The following DPP6 variants were observed in gnomAD, a reference collection of about 807,000 sequenced individuals.
DPP6 encodes A-type potassium channel modulatory protein DPP6.
Under a neutral mutation model 122.6 loss-of-function variants are expected in DPP6, and 69 were observed. The observed-to-expected ratio is 0.56, with a 90% CI of 0.46 to 0.69. DPP6 has a LOEUF of 0.69. DPP6 is among the 30% of genes least tolerant of loss of function. DPP6 has a pLI of 0.00. For missense variants in DPP6, 928 were observed against 1,116.9 expected, an observed-to-expected ratio of 0.83 and a Z score of 2.41; for synonymous variants, 418 against 433.1, an observed-to-expected ratio of 0.97 and a Z score of 0.43.
chr7:154,807,883 C>G (rs1416725919), intron 16 of DPP6, among the ~76,000 whole-genome samples: 1 of 152,158 alleles, frequency 6.6e-6, no homozygotes, highest in Non-Finnish European at 1.5e-5. Context: ...AAAAATATTT[C>G]CCTATGTCCC....
intron 1 of DPP6, among the ~76,000 whole-genome samples, chr7:154,142,484 G>A (rs1306254533): frequency 2.0e-5 from 3 of 152,188 alleles, no homozygotes; most frequent in African/African-American, 4.8e-5. Context: ...TTTTTGTTAG[G>A]TTGGGGGCAG....
At position 153,949,531 on chromosome 7, in the gene DPP6, G is replaced by A. The variant is rs1802109079; in HGVS notation, c.51+61797G>A. On this transcript the variant is annotated intron_variant, in intron 1 of 25. Transcript: ENST00000404039. ...CGTCTTAGGGAAGGTGTTTGCAGGT[G>A]AAGGAAAAGGTGGGTAGGGTAGACG... Among the ~76,000 whole-genome samples the A allele has an allele frequency of 2.6e-5, 4 of 152,204 alleles. No individual in the cohort carries two copies. The South Asian group carries it at 8.3e-4, about 32-fold the overall frequency.
the DPP6 span, among the ~76,000 whole-genome samples, chr7:153,850,221 T>C: frequency 6.6e-6 from 1 of 152,216 alleles, no homozygotes; most frequent in African/African-American, 2.4e-5. Flanking sequence ...CAGCCAGGAC[T>C]GTGGCCTTAT....
rs3734961 is a variant in DPP6, at chr7:154,893,852, T to C, written c.*1372T>C. On this transcript the variant is annotated 3_prime_UTR_variant, in exon 26 of 26. Transcript: ENST00000377770. ...TGCTAGTTTGAAATATATCCATTAC[T>C]GTCATTTCCTTTTGAGCTTGTGGAC... 0.3 allele frequency: 45,207 copies of C among 152,170 alleles called. 6,921 individuals are homozygous for C. Among genetic ancestry groups the C allele is most frequent in the Middle Eastern group, 0.46 (136 of 294 alleles). 9.4% of individuals were successfully genotyped at this position (152,170 alleles called of 1,614,324 possible).
intron 1 of DPP6, among the ~76,000 whole-genome samples, chr7:154,251,622 C>T (rs1396121703): frequency 3.9e-5 from 6 of 152,298 alleles, no homozygotes; most frequent in East Asian, 1.9e-4. Flanking sequence ...GTAGGGAAAC[C>T]GACAGTGCAG....
chr7:154,052,627 T>G lies in DPP6; in HGVS notation c.-194T>G. ...GCGGAGGAGGCTGAGCCAGGCAGAG[T>G]CGCCAGCGGAGACTCGCGAGTGGCG... On this transcript the variant is annotated 5_prime_UTR_variant, in exon 1 of 26. Coordinates refer to ENST00000377770, the MANE Select transcript of DPP6 (RefSeq NM_130797.4). The surrounding 1 kb of genome is among the most constrained non-coding windows in gnomAD (Gnocchi z 4.8). 2 of 1,251,776 alleles carry G rather than the reference T, an allele frequency of 1.6e-6. No homozygotes were observed. Among genetic ancestry groups the G allele is most frequent in the South Asian group, 1.8e-5 (1 of 55,984 alleles). The allele number at this position is 1,251,776 out of a possible 1,614,324, so 77.5% of individuals were successfully genotyped here. A position where few individuals can be genotyped will look rare whatever the true frequency, so the allele number is the denominator to read the frequency against.
At chr7:154,534,297 TC>T (rs542769173) in intron 3 of DPP6, among the ~76,000 whole-genome samples, 128 of 152,296 alleles carry the variant, frequency 8.4e-4, no homozygotes, top group South Asian at 1.4e-3. Flanking sequence ...GATGAAAAGT[TC>T]AATGCTTTCT....
chr7:154,493,808 C>G (rs1042306189), intron 3 of DPP6, among the ~76,000 whole-genome samples: 1 of 152,130 alleles, frequency 6.6e-6, no homozygotes, highest in Non-Finnish European at 1.5e-5. Flanking sequence ...CCTCTGTATA[C>G]GGATGCAGGC....
intron 1 of DPP6, among the ~76,000 whole-genome samples, chr7:153,888,474 C>T (rs1799041203): frequency 6.6e-6 from 1 of 152,186 alleles, no homozygotes; most frequent in African/African-American, 2.4e-5. Context: ...CCACCCGCCT[C>T]GCCGCTCCCC....
intron 21 of DPP6, 134 bp downstream of exon 21, chr7:154,881,076 C>A: frequency 7.4e-7 from 1 of 1,358,424 alleles, no homozygotes; most frequent in Non-Finnish European, 9.6e-7. Flanking sequence ...AATCAAGAGC[C>A]TGGGTGCTTA....
chr7:153,860,651 CAA>C, the DPP6 span, among the ~76,000 whole-genome samples: 93,931 of 148,078 alleles, frequency 0.63, 30,152 homozygotes, highest in Non-Finnish European at 0.71. Flanking sequence ...CCCATGCCTT[CAA>C]AAAAAAAAAA....
chr7:154,560,318 T>A (rs1012590032), intron 4 of DPP6, among the ~76,000 whole-genome samples: 1 of 152,200 alleles, frequency 6.6e-6, no homozygotes, highest in African/African-American at 2.4e-5. Context: ...ACCTTTGTCC[T>A]GCTCTAAACA....
At chr7:154,800,478 G>C (rs1341232828) in intron 12 of DPP6, among the ~76,000 whole-genome samples, 1 of 152,224 alleles carries the variant, frequency 6.6e-6, no homozygotes, top group Admixed American at 6.5e-5. Flanking sequence ...AGAGGCCAAG[G>C]TACCGCGGTA....
At chr7:154,193,656 C>T (rs1441196559) in intron 1 of DPP6, among the ~76,000 whole-genome samples, 3 of 152,022 alleles carry the variant, frequency 2.0e-5, no homozygotes, top group Non-Finnish European at 2.9e-5. Flanking sequence ...TTAGAGTGCT[C>T]CTCTTCTCAT....
intron 1 of DPP6, among the ~76,000 whole-genome samples, chr7:154,119,563 G>C (rs568443275): frequency 6.6e-6 from 1 of 150,664 alleles, no homozygotes; most frequent in South Asian, 2.2e-4. Context: ...TGAGGCTGTT[G>C]ACTCGCCACC....
intron 1 of DPP6, among the ~76,000 whole-genome samples, chr7:154,071,579 G>A (rs181020220): frequency 6.6e-6 from 1 of 152,204 alleles, no homozygotes; most frequent in African/African-American, 2.4e-5. Flanking sequence ...AGGGAATTAG[G>A]CGATAAGCCA....
intron 1 of DPP6, among the ~76,000 whole-genome samples, chr7:154,021,793 C>T (rs1326296291): frequency 1.3e-5 from 2 of 152,204 alleles, no homozygotes; most frequent in Non-Finnish European, 2.9e-5. Context: ...AGCTCCTGGA[C>T]TCTAAGCCTC....
chr7:154,429,017 A>G (rs949551586), intron 1 of DPP6, among the ~76,000 whole-genome samples: 8 of 152,124 alleles, frequency 5.3e-5, no homozygotes, highest in Admixed American at 3.9e-4. Context: ...AAAACATAAA[A>G]CAAAATAAAG....
chr7:154,196,306 A>G (rs568997505), intron 1 of DPP6, among the ~76,000 whole-genome samples: 3 of 152,306 alleles, frequency 2.0e-5, no homozygotes, highest in East Asian at 3.9e-4. Flanking sequence ...CCTGGCCAAC[A>G]TGGTGAAACC....
Sources: allele counts gnomAD v4.1 joint callset (sites outside exome capture counted in the v4.1 genomes callset), GRCh38; gene constraint gnomAD v4.1.1; non-coding constraint Gnocchi (gnomAD v3.1); transcripts MANE v1.5; gene names NCBI Gene and HGNC (gene_info 2026-07-23, HGNC 2026-07-21).